ADAMTS19: variants seen among roughly 807,000 people sequenced by gnomAD.
ADAMTS19 encodes the protein A disintegrin and metalloproteinase with thrombospondin motifs 19.
In ADAMTS19, 93 loss-of-function variants were observed where a neutral mutation model predicts 153.3. That is an observed-to-expected ratio of 0.61 (90% CI 0.51 to 0.72). ADAMTS19 has a LOEUF of 0.72. Among genes scored for constraint, ADAMTS19 ranks in the 30% least tolerant of loss-of-function variants. ADAMTS19 has a pLI of 0.00. For synonymous variants in ADAMTS19, 600 were observed against 556.6 expected (o/e 1.08, Z -1.10); for missense variants, 1,482 against 1,552.1 (o/e 0.95, Z 0.76).
intron 2 of ADAMTS19, among the ~76,000 whole-genome samples, chr5:129,464,021 A>G (rs1287517545): frequency 6.6e-6 from 1 of 152,200 alleles, no homozygotes; most frequent in Non-Finnish European, 1.5e-5. Context: ...CCCAAAGCAG[A>G]AGAAGTTGAA....
chr5:129,607,897 A>C (rs932195712), intron 8 of ADAMTS19, among the ~76,000 whole-genome samples: 4 of 151,238 alleles, frequency 2.6e-5, no homozygotes, highest in Admixed American at 2.0e-4. Context: ...TAACAGATGA[A>C]TGTATAAAGA....
intron 6 of ADAMTS19, among the ~76,000 whole-genome samples, chr5:129,533,935 G>C (rs960486625): frequency 4.6e-5 from 7 of 152,010 alleles, no homozygotes; most frequent in African/African-American, 1.7e-4. Flanking sequence ...CTGAGTTCTA[G>C]TTTGATTGCA....
intron 7 of ADAMTS19, among the ~76,000 whole-genome samples, chr5:129,561,951 G>A (rs1345668024): frequency 1.3e-5 from 2 of 152,096 alleles, no homozygotes; most frequent in Non-Finnish European, 2.9e-5. Context: ...ACAGATGAAA[G>A]TTTTCCAATA....
At chr5:129,465,350 C>T (rs1297820965) in intron 2 of ADAMTS19, among the ~76,000 whole-genome samples, 1 of 144,164 alleles carries the variant, frequency 6.9e-6, no homozygotes, top group Non-Finnish European at 1.5e-5. Flanking sequence ...AAGCGCTGGG[C>T]CAAAATAAGC....
intron 2 of ADAMTS19, among the ~76,000 whole-genome samples, chr5:129,491,820 TAC>T (rs1340367029): frequency 1.3e-5 from 2 of 152,148 alleles, no homozygotes; most frequent in Admixed American, 6.5e-5. Context: ...AAAAGCAAAT[TAC>T]AGAGTGATAC....
chr5:129,658,699 A>G lies in ADAMTS19; in HGVS notation c.2387A>G (p.Lys796Arg), dbSNP rs761793276. The G allele has an allele frequency of 6.8e-6, 11 of 1,612,946 alleles. No individual in the cohort carries two copies. The highest frequency in any genetic ancestry group is 8.5e-6 in the Non-Finnish European group (10 of 1,179,450). ...TGCAATGGCAATGGAAAATCATGCA[A>G]GATCATTAAAGGGGATTTTAATCAC... ...GVCNGNGKSC[K>R]IIKGDFNHTR... The change falls in exon 15 of 23, where the codon AAG becomes AGG. Residue 796 changes from lysine (K) to arginine (R), a missense_variant. This residue lies in a region of ADAMTS19 where 616 missense variants were observed against 724.4 expected (regional missense o/e 0.85). Coordinates refer to ENST00000274487, the MANE Select transcript of ADAMTS19 (RefSeq NM_133638.6).
rs528205723 is a variant in ADAMTS19 at position 129,468,377 on chromosome 5, C to T, written c.747+6620C>T. Among the ~76,000 whole-genome samples the T allele has an allele frequency of 5.9e-5, 9 of 152,088 alleles. No individual in the cohort carries two copies. The East Asian group carries it at 1.4e-3, about 23-fold the overall frequency. ...GTTATTATTATTATTATTTTTGAGA[C>T]GGAGTCTCACTCTTTTGCCAGGCTG... On this transcript the variant is annotated intron_variant, in intron 2 of 22. Transcript: ENST00000274487.
intron 7 of ADAMTS19, among the ~76,000 whole-genome samples, chr5:129,582,867 C>T (rs554458710): frequency 4.7e-4 from 72 of 151,912 alleles, no homozygotes; most frequent in African/African-American, 1.7e-3. Flanking sequence ...CCACCATGCC[C>T]GGCCCAGTCT....
intron 6 of ADAMTS19, among the ~76,000 whole-genome samples, chr5:129,532,561 A>G (rs947310812): frequency 4.6e-5 from 7 of 152,318 alleles, no homozygotes; most frequent in Non-Finnish European, 5.9e-5. Flanking sequence ...TTTGCTTACC[A>G]TTTAGCCCAC....
At chr5:129,516,905 T>C (rs111611473) in intron 3 of ADAMTS19, among the ~76,000 whole-genome samples, 1 of 148,456 alleles carries the variant, frequency 6.7e-6, no homozygotes, top group African/African-American at 2.5e-5. Context: ...TTTTTTTTTT[T>C]CGATGTAGGC....
intron 21 of ADAMTS19, among the ~76,000 whole-genome samples, chr5:129,715,770 T>C (rs1317067531): frequency 6.6e-6 from 1 of 152,208 alleles, no homozygotes; most frequent in African/African-American, 2.4e-5. Context: ...TATGTTTCAA[T>C]GTGCTCATCA....
At chr5:129,626,254 C>G (rs1752040902) in intron 10 of ADAMTS19, among the ~76,000 whole-genome samples, 1 of 152,078 alleles carries the variant, frequency 6.6e-6, no homozygotes, top group Non-Finnish European at 1.5e-5. Context: ...ATTGTCTTCT[C>G]TATGGAAAAA....
At chr5:129,549,719 A>G (rs557594765) in intron 6 of ADAMTS19, among the ~76,000 whole-genome samples, 58 of 151,292 alleles carry the variant, frequency 3.8e-4, no homozygotes, top group Non-Finnish European at 7.7e-4. Flanking sequence ...ATGAGCATAT[A>G]TGGAACTGCA....
At chr5:129,484,872 T>A (rs1301670122) in intron 2 of ADAMTS19, among the ~76,000 whole-genome samples, 2 of 152,108 alleles carry the variant, frequency 1.3e-5, no homozygotes, top group African/African-American at 4.8e-5. Context: ...GCTGTTTAGT[T>A]TTTGACATCC....
intron 7 of ADAMTS19, among the ~76,000 whole-genome samples, chr5:129,557,430 C>T (rs1753354082): frequency 6.6e-6 from 1 of 151,706 alleles, no homozygotes; most frequent in African/African-American, 2.4e-5. Context: ...AATCTCTATC[C>T]CTACTAAAAA....
At chr5:129,654,655 T>C (rs1285155998) in intron 14 of ADAMTS19, among the ~76,000 whole-genome samples, 1 of 152,184 alleles carries the variant, frequency 6.6e-6, no homozygotes, top group East Asian at 1.9e-4. Context: ...AATCTATTAC[T>C]AACTGAAAGA....
At chr5:129,670,804 C>T (rs1249010212) in intron 16 of ADAMTS19, among the ~76,000 whole-genome samples, 1 of 152,092 alleles carries the variant, frequency 6.6e-6, no homozygotes, top group East Asian at 1.9e-4. Context: ...TCACTGTCTC[C>T]AATTCTACTA....
intron 10 of ADAMTS19, among the ~76,000 whole-genome samples, chr5:129,626,506 A>G (rs1353524824): frequency 1.3e-5 from 2 of 152,026 alleles, no homozygotes; most frequent in Non-Finnish European, 2.9e-5. Context: ...TTAAAACTAC[A>G]CATTGTGCTA....
chr5:129,479,036 G>A (rs1170419215), intron 2 of ADAMTS19, among the ~76,000 whole-genome samples: 1 of 152,110 alleles, frequency 6.6e-6, no homozygotes, highest in Non-Finnish European at 1.5e-5. Flanking sequence ...ACTAAGGTAC[G>A]TGTAGTCACT....
Sources: gnomAD v4.1 joint callset for allele counts (sites outside exome capture counted in the v4.1 genomes callset) on GRCh38, gnomAD v4.1.1 for gene constraint, gnomAD v4.1.1 regional missense constraint, MANE v1.5 for transcripts, NCBI Gene and HGNC (gene_info 2026-07-23, HGNC 2026-07-21) for gene names.